The following DGKZ variants were observed in gnomAD, a reference collection of about 807,000 sequenced individuals.
The protein encoded by DGKZ is diacylglycerol kinase zeta, also known as DAG kinase zeta.
In DGKZ, 45 loss-of-function variants were observed where a neutral mutation model predicts 142.5. That is an observed-to-expected ratio of 0.32 (90% CI 0.25 to 0.40). DGKZ has a LOEUF of 0.40. DGKZ is among the 10% of genes least tolerant of loss of function. The pLI is 1.00. For synonymous variants in DGKZ, 442 were observed against 527.0 expected (o/e 0.84, Z 2.21); for missense variants, 755 against 1,306.5 (o/e 0.58, Z 6.51).
chr11:46,376,719 C>A, intron 24 of DGKZ, 155 bp downstream of exon 24: 2 of 1,004,428 alleles, frequency 2.0e-6, no homozygotes, highest in Non-Finnish European at 3.0e-6. Context: ...GGACAGCGTG[C>A]GGCCCTGCCC....
At chr11:46,366,589 C>T (rs867680256) in intron 1 of DGKZ, 10 of 1,607,632 alleles carry the variant, frequency 6.2e-6, no homozygotes, top group Middle Eastern at 3.3e-4. Flanking sequence ...TGCTGTTGAC[C>T]GGGCTTGTGG....
At chr11:46,370,303 A>G (rs1050704597) in intron 6 of DGKZ, among the ~76,000 whole-genome samples, 2 of 152,278 alleles carry the variant, frequency 1.3e-5, no homozygotes, top group Non-Finnish European at 2.9e-5. Flanking sequence ...CGGTGACTCC[A>G]TGGATACTTG....
At chr11:46,362,668 A>G (rs913237830) in intron 1 of DGKZ, among the ~76,000 whole-genome samples, 2 of 152,212 alleles carry the variant, frequency 1.3e-5, no homozygotes, top group Admixed American at 6.5e-5. Flanking sequence ...GGATCAGTCT[A>G]GGGTGGCAGT....
rs1342363551 is a variant in DGKZ at position 46,372,028 on chromosome 11, G to A, written c.832-47G>A. The A allele has an allele frequency of 3.3e-6, 5 of 1,535,568 alleles. No individual in the cohort carries two copies. The highest frequency in any genetic ancestry group is 4.4e-6 in the Non-Finnish European group (5 of 1,125,978). ...GGGGCCTGCTAAGGATGATGGTAGG[G>A]TGTCCTGGACGGGAAGGAGCTTACA... On this transcript the variant is annotated intron_variant, in intron 9 of 30. Transcript: ENST00000527911. The surrounding 1 kb of genome is among the most constrained non-coding windows in gnomAD (Gnocchi z 5.9).
chr11:46,366,407 C>T lies in DGKZ; in HGVS notation c.162-884C>T, dbSNP rs1010796782. On this transcript the variant is annotated intron_variant, in intron 1 of 30. Coordinates refer to ENST00000527911, the Ensembl canonical transcript of DGKZ. ...CTCCTCCTCACTGGCACAGCGGCGC[C>T]GCTCCAGCGCCCAGCTCCAGGGCTG... is the stretch of plus-strand genomic sequence containing the variant. 4.8e-5 allele frequency: 74 copies of T among 1,528,360 alleles called. No individual in the cohort carries two copies. In the Admixed American group the frequency reaches 5.3e-4, roughly 11 times the overall value. The allele number at this position is 1,528,360 out of a possible 1,614,324, so 94.7% of individuals were successfully genotyped here.
In DGKZ at chr11:46,356,799, C is replaced by T. The variant is rs1361858853; in HGVS notation, c.161+8979C>T. 2.0e-5 allele frequency among the ~76,000 whole-genome samples: 3 copies of T among 152,136 alleles called. 1 individual carries two copies. Among genetic ancestry groups the T allele is most frequent in the South Asian group, 4.1e-4 (2 of 4,830 alleles). ...TAACCGCTTTGTCTCTCAGTTTCCTCATCTGCAATATGAGGATACGGGCCA... is the reference window on the plus strand; with the variant it reads ...TAACCGCTTTGTCTCTCAGTTTCCTTATCTGCAATATGAGGATACGGGCCA... On this transcript the variant is annotated intron_variant, in intron 1 of 30. Coordinates refer to ENST00000527911, the Ensembl canonical transcript of DGKZ.
At chr11:46,344,151 T>C (rs1016473037), upstream of DGKZ, among the ~76,000 whole-genome samples, 1 of 152,128 alleles carries the variant, frequency 6.6e-6, no homozygotes, top group Non-Finnish European at 1.5e-5. Context: ...GGTTTCACCA[T>C]GTTGGCCAGG....
intron 14 of DGKZ, among the ~76,000 whole-genome samples, chr11:46,373,660 G>A (rs938626485): frequency 1.3e-5 from 2 of 152,038 alleles, no homozygotes; most frequent in Non-Finnish European, 2.9e-5. Flanking sequence ...ACCACACCCG[G>A]CTAATTTTTG....
intron 1 of DGKZ, among the ~76,000 whole-genome samples, chr11:46,361,371 T>G (rs1328400405): frequency 6.6e-6 from 1 of 152,196 alleles, no homozygotes; most frequent in Non-Finnish European, 1.5e-5. Context: ...GGGAGGCCAC[T>G]GGGTTGTCAC....
intron 1 of DGKZ, among the ~76,000 whole-genome samples, chr11:46,336,714 T>C (rs891507265): frequency 1.3e-5 from 2 of 152,112 alleles, no homozygotes; most frequent in Admixed American, 6.5e-5. Context: ...CTACCATGCC[T>C]GGATAATTTT....
chr11:46,369,331 G>A, intron 4 of DGKZ, 163 bp from the exon 5 acceptor site: 1 of 754,428 alleles, frequency 1.3e-6, no homozygotes, highest in Non-Finnish European at 2.3e-6. Flanking sequence ...AGAGGCAGGA[G>A]GGCTTCTCAC....
rs11038880 is a variant in DGKZ at position 46,378,351 on chromosome 11, A to G, written c.2375-106A>G. 23 of 1,542,456 alleles carry G rather than the reference A, an allele frequency of 1.5e-5. No individual in the cohort carries two copies. The Admixed American group carries it at 2.3e-4, about 15-fold the overall frequency. On this transcript the variant is annotated intron_variant, in intron 26 of 30. Coordinates refer to ENST00000527911, the Ensembl canonical transcript of DGKZ. ...CACAGCCTTTGAGCTTCACGCACCA[A>G]CGGAGCCCTGGGCACACATGCCTGG...
chr11:46,336,358 G>T (rs769174294), intron 1 of DGKZ, among the ~76,000 whole-genome samples: 1 of 152,202 alleles, frequency 6.6e-6, no homozygotes, highest in Non-Finnish European at 1.5e-5. Context: ...AGGCAGGAAA[G>T]AAGGCAAGGG....
At position 46,367,212 on chromosome 11, in the gene DGKZ, G is replaced by GGGCA. The variant is rs1943409246; in HGVS notation, c.162-77_162-74dup. The GGGCA allele has an allele frequency of 7.2e-7, 1 of 1,397,352 alleles. No homozygotes were observed. The highest frequency in any genetic ancestry group is 1.4e-5 in the African/African-American group (1 of 70,074). 86.6% of individuals were successfully genotyped at this position (1,397,352 alleles called of 1,614,324 possible). ...CTCCCTGTTGCCGAGGTCACGGAAAGGGCAGAGGCCCCAGGAGGTGGGAGG... is the reference window on the plus strand; with the variant it reads ...CTCCCTGTTGCCGAGGTCACGGAAAGGGCAGGCAGAGGCCCCAGGAGGTGGGAGG... On this transcript the variant is annotated intron_variant, in intron 1 of 30. Transcript: ENST00000527911. This position sits in a 1 kb window ranked among gnomAD's most constrained non-coding sequence, Gnocchi z 4.1.
Position 46,372,190 on chromosome 11 carries a change from T to C in DGKZ, c.927+20T>C, listed in dbSNP as rs1259479846. ...AACCAGGTGAACGCGGCCTTGCCTCTCAGCTAAGGGCTCGGGCGGGGGTTG... is the reference window on the plus strand; with the variant it reads ...AACCAGGTGAACGCGGCCTTGCCTCCCAGCTAAGGGCTCGGGCGGGGGTTG... On this transcript the variant is annotated intron_variant, in intron 10 of 30. Coordinates refer to ENST00000527911, the Ensembl canonical transcript of DGKZ. The surrounding 1 kb of genome is among the most constrained non-coding windows in gnomAD (Gnocchi z 5.9). 2 of 1,588,144 alleles carry C rather than the reference T, an allele frequency of 1.3e-6. No homozygotes were observed. The highest frequency in any genetic ancestry group is 1.7e-5 in the Admixed American group (1 of 57,928).
chr11:46,379,367 C>T lies in DGKZ; in HGVS notation c.2574-87C>T, dbSNP rs1046941675. On this transcript the variant is annotated intron_variant, in intron 29 of 30. Transcript: ENST00000527911. ...GTCATCCCCTGGGCCACCCCTATTG[C>T]CCCAGAGCCCTGAACTTCCTGCCCT... 7.7e-6 allele frequency: 12 copies of T among 1,561,480 alleles called. No individual in the cohort carries two copies. The African/African-American group carries it at 1.5e-4, about 19-fold the overall frequency.
chr11:46,375,410 C>T, intron 19 of DGKZ, 22 bp from the exon 20 acceptor site: 1 of 1,555,330 alleles, frequency 6.4e-7, no homozygotes, highest in Non-Finnish European at 8.7e-7. Flanking sequence ...TGCCATCTGA[C>T]CCAAGCTTCC....
intron 25 of DGKZ, chr11:46,377,432 C>G (rs1206227804): frequency 3.5e-6 from 3 of 846,240 alleles, no homozygotes; most frequent in East Asian, 3.1e-5. Flanking sequence ...TCCTCTGGAC[C>G]TCATCCTTCA....
At chr11:46,366,609 A>G (rs1238317747) in intron 1 of DGKZ, 1 of 1,607,878 alleles carries the variant, frequency 6.2e-7, no homozygotes, top group East Asian at 2.2e-5. Flanking sequence ...GGCATGAATG[A>G]GGAGGAGGGT....
Sources: gnomAD v4.1 joint callset for allele counts (sites outside exome capture counted in the v4.1 genomes callset) on GRCh38, gnomAD v4.1.1 for gene constraint, Gnocchi (gnomAD v3.1) non-coding constraint, MANE v1.5 for transcripts, NCBI Gene and HGNC (gene_info 2026-07-23, HGNC 2026-07-21) for gene names.